The following WDR49 variants were observed in gnomAD, a reference collection of about 807,000 sequenced individuals.
WDR49 encodes cilia- and flagella-associated protein 337.
In WDR49, 107 loss-of-function variants were observed where a neutral mutation model predicts 119.5. That is an observed-to-expected ratio of 0.90 (90% CI 0.77 to 1.05). The LOEUF (loss-of-function observed/expected upper bound fraction) is 1.05, where lower values mean the gene tolerates loss of function less well. WDR49 is among the 50% of genes least tolerant of loss of function. WDR49 has a pLI of 0.00. For synonymous variants in WDR49, 425 were observed against 418.8 expected (o/e 1.01, Z -0.18); for missense variants, 1,240 against 1,220.5 (o/e 1.02, Z -0.24).
intron 5 of WDR49, among the ~76,000 whole-genome samples, chr3:167,614,037 CA>C (rs1317164231): frequency 6.6e-6 from 1 of 152,118 alleles, no homozygotes; most frequent in Non-Finnish European, 1.5e-5. Flanking sequence ...ATTTTCAACG[CA>C]ATAAAATATC....
At chr3:167,569,804 A>T (rs1713826809) in intron 8 of WDR49, among the ~76,000 whole-genome samples, 2 of 152,202 alleles carry the variant, frequency 1.3e-5, no homozygotes, top group African/African-American at 4.8e-5. Context: ...TAGCCCTTAA[A>T]CATTGTGGAA....
chr3:167,529,297 T>C lies in WDR49; in HGVS notation c.2219-58A>G, dbSNP rs1752757071. 9 of 1,464,344 alleles carry C rather than the reference T, an allele frequency of 6.1e-6. No homozygotes were observed. The East Asian group carries it at 7.1e-5, about 12-fold the overall frequency. The allele number at this position is 1,464,344 out of a possible 1,614,324, so 90.7% of individuals were successfully genotyped here. ...CTGAACAACAAATGCCAGAAATAACTTCTTCAGTGGCTTTCCCTGTGGAAA... is the reference window on the plus strand; with the variant it reads ...CTGAACAACAAATGCCAGAAATAACCTCTTCAGTGGCTTTCCCTGTGGAAA... On this transcript the variant is annotated intron_variant, in intron 13 of 18. Coordinates refer to ENST00000682715, the MANE Select transcript of WDR49 (RefSeq NM_001366157.1).
chr3:167,576,206 T>C, intron 7 of WDR49, 55 bp from the exon 8 acceptor site: 2 of 1,515,426 alleles, frequency 1.3e-6, no homozygotes, highest in Non-Finnish European at 1.8e-6. Flanking sequence ...TGTAATCTTT[T>C]AGCCAATTTT....
intron 2 of WDR49, 62 bp downstream of exon 2, chr3:167,653,199 G>A: frequency 6.7e-7 from 1 of 1,499,672 alleles, no homozygotes; most frequent in East Asian, 2.5e-5. Context: ...ATATCTCTGT[G>A]TTTCATTCTA....
In WDR49 at chr3:167,597,476, C is replaced by T. The variant is rs114011923; in HGVS notation, c.1275+4651G>A. On this transcript the variant is annotated intron_variant, in intron 7 of 18. Transcript: ENST00000682715. ...GGGTTAGAGCTCCCACAGATAGTCC[C>T]CCTGGGGCACTGACTAGTGGAGCTG... Among the ~76,000 whole-genome samples, 1,197 of 152,288 alleles carry T rather than the reference C, an allele frequency of 7.9e-3. 4 individuals are homozygous for T. The highest frequency in any genetic ancestry group is 0.012 in the Non-Finnish European group (817 of 68,018).
At chr3:167,618,693 T>A (rs1560316434) in intron 5 of WDR49, among the ~76,000 whole-genome samples, 1 of 152,210 alleles carries the variant, frequency 6.6e-6, no homozygotes, top group African/African-American at 2.4e-5. Flanking sequence ...AAGGCCAGAC[T>A]GTGAAACTGT....
intron 15 of WDR49, among the ~76,000 whole-genome samples, chr3:167,525,591 G>T (rs1247810173): frequency 6.6e-6 from 1 of 151,966 alleles, no homozygotes; most frequent in Non-Finnish European, 1.5e-5. Flanking sequence ...ATTCTGCCTA[G>T]CACAACAGTA....
chr3:167,655,791 G>A (rs1405310162), upstream of WDR49, among the ~76,000 whole-genome samples: 1 of 152,088 alleles, frequency 6.6e-6, no homozygotes, highest in African/African-American at 2.4e-5. Flanking sequence ...CCAGCTACTT[G>A]GGAGGCTGAG....
intron 2 of WDR49, among the ~76,000 whole-genome samples, chr3:167,634,018 T>C (rs1717500086): frequency 6.6e-6 from 1 of 151,990 alleles, no homozygotes; most frequent in South Asian, 2.1e-4. Flanking sequence ...CATAAAATAA[T>C]TCTCATTTTC....
At chr3:167,597,999 T>C (rs1270115494) in intron 7 of WDR49, among the ~76,000 whole-genome samples, 2 of 151,994 alleles carry the variant, frequency 1.3e-5, no homozygotes, top group African/African-American at 2.4e-5. Flanking sequence ...GGGGGCATGA[T>C]TGTGTTTTGA....
At chr3:167,510,449 T>G (rs1751928454) in intron 16 of WDR49, among the ~76,000 whole-genome samples, 1 of 152,286 alleles carries the variant, frequency 6.6e-6, no homozygotes, top group East Asian at 1.9e-4. Flanking sequence ...ACTTATTTAT[T>G]TTTTTAGAAG....
intron 7 of WDR49, among the ~76,000 whole-genome samples, chr3:167,595,958 G>T (rs1267526153): frequency 6.9e-6 from 1 of 144,692 alleles, no homozygotes; most frequent in African/African-American, 2.5e-5. Flanking sequence ...GAAAATTTTC[G>T]CAACCTACTC....
intron 7 of WDR49, among the ~76,000 whole-genome samples, chr3:167,587,873 A>G (rs1341316417): frequency 3.3e-5 from 5 of 152,212 alleles, no homozygotes; most frequent in African/African-American, 1.2e-4. Context: ...ATTCTGATAC[A>G]GATATACATT....
intron 11 of WDR49, among the ~76,000 whole-genome samples, chr3:167,533,279 T>C (rs1396916698): frequency 6.6e-6 from 1 of 152,156 alleles, no homozygotes; most frequent in East Asian, 1.9e-4. Flanking sequence ...GCTTGAGTCT[T>C]GGTTCTCCCA....
rs376996611 is a variant in WDR49 at position 167,522,308 on chromosome 3, T to A, written c.2774+7A>T. 52 of 1,569,684 alleles carry A rather than the reference T, an allele frequency of 3.3e-5. No individual in the cohort carries two copies. Among genetic ancestry groups the A allele is most frequent in the Non-Finnish European group, 4.2e-5 (49 of 1,167,662 alleles). On this transcript the variant is annotated splice_region_variant and intron_variant, in intron 16 of 18. Transcript: ENST00000682715. Reference sequence around the variant, plus strand: ...TTGACATCTGGCTAATGTTCAAAATTACTTACTTGTATGTTGAGTCATCTT... The same window carrying A: ...TTGACATCTGGCTAATGTTCAAAATAACTTACTTGTATGTTGAGTCATCTT...
intron 14 of WDR49, among the ~76,000 whole-genome samples, 189 bp from the exon 15 acceptor site, chr3:167,528,206 C>T (rs1035349703): frequency 6.6e-6 from 1 of 151,654 alleles, no homozygotes; most frequent in Non-Finnish European, 1.5e-5. Flanking sequence ...TCTAACTTAT[C>T]TGATTACTTG....
chr3:167,547,445 T>C (rs1712275935), intron 10 of WDR49, among the ~76,000 whole-genome samples: 1 of 151,622 alleles, frequency 6.6e-6, no homozygotes, highest in South Asian at 2.1e-4. Context: ...GGCAGCTACA[T>C]ACAACCCACA....
At chr3:167,517,500 C>T (rs150846995) in intron 16 of WDR49, among the ~76,000 whole-genome samples, 264 of 152,240 alleles carry the variant, frequency 1.7e-3, no homozygotes, top group African/African-American at 6.2e-3. Context: ...TCCTTCCTTA[C>T]ATCTTATACA....
At chr3:167,588,362 A>T (rs182263410) in intron 7 of WDR49, among the ~76,000 whole-genome samples, 316 of 152,278 alleles carry the variant, frequency 2.1e-3, no homozygotes, top group Non-Finnish European at 2.9e-3. Context: ...TTTGATGGAC[A>T]CTTGGGTTGC....
Sources: allele counts gnomAD v4.1 joint callset (sites outside exome capture counted in the v4.1 genomes callset), GRCh38; gene constraint gnomAD v4.1.1; transcripts MANE v1.5; gene names NCBI Gene and HGNC (gene_info 2026-07-23, HGNC 2026-07-21).